ARIH1: variants seen among roughly 807,000 people sequenced by gnomAD.
The protein encoded by ARIH1 is E3 ubiquitin-protein ligase ARIH1.
Under a neutral mutation model 85.0 loss-of-function variants are expected in ARIH1, and 8 were observed. That is an observed-to-expected ratio of 0.09 (90% confidence interval 0.06 to 0.17). ARIH1 has a LOEUF of 0.17. Among genes scored for constraint, ARIH1 ranks in the 10% least tolerant of loss-of-function variants. The pLI, the probability that ARIH1 is intolerant of heterozygous loss-of-function variation, is 1.00. For synonymous variants in ARIH1, 238 were observed against 253.6 expected (o/e 0.94, Z 0.59); for missense variants, 311 against 718.1 (o/e 0.43, Z 6.48).
rs764766524 is a variant in ARIH1, at chr15:72,535,809, C to CA, written c.444-9004dup. Among the ~76,000 whole-genome samples, 93 of 151,482 alleles carry CA rather than the reference C, an allele frequency of 6.1e-4. 1 individual carries two copies. The highest frequency in any genetic ancestry group is 2.1e-3 in the African/African-American group (88 of 41,326). On this transcript the variant is annotated intron_variant, in intron 2 of 13. Coordinates refer to ENST00000379887, the MANE Select transcript of ARIH1 (RefSeq NM_005744.5). Reference sequence around the variant, plus strand: ...ATGCACGTATTTGGAAAGAGGTGGACAAAAAAAGCCACTGTCTTGGTTTTC... The same window carrying CA: ...ATGCACGTATTTGGAAAGAGGTGGACAAAAAAAAGCCACTGTCTTGGTTTTC...
At chr15:72,479,867 C>A (rs2063808369) in intron 1 of ARIH1, among the ~76,000 whole-genome samples, 1 of 143,224 alleles carries the variant, frequency 7.0e-6, no homozygotes, top group South Asian at 2.2e-4. Flanking sequence ...GTGTACTATT[C>A]TTTTTTTTTT....
chr15:72,561,622 A>G (rs913037866), intron 6 of ARIH1, 73 bp downstream of exon 6: 7 of 890,666 alleles, frequency 7.9e-6, no homozygotes, highest in Non-Finnish European at 1.2e-5. Flanking sequence ...AAAAATTATA[A>G]TTTATTGACA....
intron 2 of ARIH1, among the ~76,000 whole-genome samples, chr15:72,519,239 C>T (rs1043881077): frequency 1.3e-5 from 2 of 151,752 alleles, no homozygotes; most frequent in Admixed American, 6.6e-5. Context: ...TTTTAAAATT[C>T]AGAGAGTACT....
At chr15:72,526,094 C>T (rs991446304) in intron 2 of ARIH1, among the ~76,000 whole-genome samples, 4 of 152,116 alleles carry the variant, frequency 2.6e-5, no homozygotes, top group East Asian at 1.9e-4. Flanking sequence ...TTTTAAAAAT[C>T]GTGCTTCCTA....
intron 2 of ARIH1, among the ~76,000 whole-genome samples, chr15:72,521,987 C>T (rs1260866812): frequency 6.6e-6 from 1 of 152,154 alleles, no homozygotes; most frequent in East Asian, 1.9e-4. Flanking sequence ...TGCTTTTCTT[C>T]CTGCATCCAT....
At chr15:72,482,318 ACTTATT>A (rs2063819746) in intron 1 of ARIH1, among the ~76,000 whole-genome samples, 4 of 152,202 alleles carry the variant, frequency 2.6e-5, no homozygotes, top group South Asian at 2.1e-4. Context: ...ATATGAGAAG[ACTTATT>A]CTTAAGGAGT....
chr15:72,546,063 A>G (rs909900891), intron 3 of ARIH1, among the ~76,000 whole-genome samples: 2 of 152,150 alleles, frequency 1.3e-5, no homozygotes, highest in South Asian at 2.1e-4. Flanking sequence ...GGGTCTCACT[A>G]TGCTACCCAG....
chr15:72,490,248 A>C (rs2063853774), intron 1 of ARIH1, among the ~76,000 whole-genome samples: 1 of 152,042 alleles, frequency 6.6e-6, no homozygotes, highest in Non-Finnish European at 1.5e-5. Flanking sequence ...TTCTCAAAAA[A>C]AAAAAAAAAG....
At chr15:72,574,155 C>T (rs543386698) in intron 11 of ARIH1, among the ~76,000 whole-genome samples, 354 of 152,218 alleles carry the variant, frequency 2.3e-3, no homozygotes, top group African/African-American at 8.2e-3. Flanking sequence ...GGTAGAATCC[C>T]TTTCTGAGAT....
intron 9 of ARIH1, among the ~76,000 whole-genome samples, chr15:72,568,852 A>G (rs1392515055): frequency 6.6e-6 from 1 of 152,214 alleles, no homozygotes; most frequent in Non-Finnish European, 1.5e-5. Flanking sequence ...AATTGCTATC[A>G]TTGATGGGCA....
At chr15:72,580,697 T>C (rs762984216) in intron 11 of ARIH1, 34 bp from the exon 12 acceptor site, 14 of 1,581,264 alleles carry the variant, frequency 8.9e-6, no homozygotes, top group South Asian at 3.5e-5. Context: ...TTATGTGTTA[T>C]AATTATATCA....
Position 72,474,891 on chromosome 15 carries a change from CGGCGGTGGTGGT to C in ARIH1, c.258_269del (p.Gly87_Gly90del). On this transcript the variant is annotated inframe_deletion, in exon 1 of 14. Coordinates refer to ENST00000379887, the MANE Select transcript of ARIH1 (RefSeq NM_005744.5). ...CCGGCGGTGGCGGCGGCGGCGGCGG[CGGCGGTGGTGGT>C]GGCGGGCCGGGGCATGAGCAGGAGG... 2 of 1,429,462 alleles carry C rather than the reference CGGCGGTGGTGGT, an allele frequency of 1.4e-6. No individual in the cohort carries two copies. The highest frequency in any genetic ancestry group is 1.8e-6 in the Non-Finnish European group (2 of 1,085,698). The allele number at this position is 1,429,462 out of a possible 1,614,324, so 88.5% of individuals were successfully genotyped here.
chr15:72,565,099 CCAT>C (rs1344468063), intron 7 of ARIH1, among the ~76,000 whole-genome samples: 9 of 152,100 alleles, frequency 5.9e-5, no homozygotes, highest in Admixed American at 1.3e-4. Context: ...GGGTCTCACT[CCAT>C]CACCCAGGCT....
chr15:72,513,092 C>CT (rs879432481), intron 1 of ARIH1, among the ~76,000 whole-genome samples: 1 of 151,882 alleles, frequency 6.6e-6, no homozygotes, highest in Non-Finnish European at 1.5e-5. Context: ...GAGTTTTGCC[C>CT]TTTTTAAAAA....
chr15:72,563,681 T>A (rs1178611821), intron 7 of ARIH1, among the ~76,000 whole-genome samples, 181 bp downstream of exon 7: 3 of 152,172 alleles, frequency 2.0e-5, no homozygotes, highest in Non-Finnish European at 4.4e-5. Flanking sequence ...CTTAAAAAAA[T>A]TTTTCCTCTT....
intron 1 of ARIH1, among the ~76,000 whole-genome samples, chr15:72,486,847 C>T (rs1473082524): frequency 6.6e-6 from 1 of 151,388 alleles, no homozygotes; most frequent in Non-Finnish European, 1.5e-5. Flanking sequence ...GCATGCATCA[C>T]CACACCTGGC....
rs1279854967 is a variant in ARIH1, at chr15:72,584,598, G to A, written c.*1306G>A. 1.3e-5 allele frequency: 2 copies of A among 152,112 alleles called. No individual in the cohort carries two copies. The highest frequency in any genetic ancestry group is 2.9e-5 in the Non-Finnish European group (2 of 68,026). 9.4% of individuals were successfully genotyped at this position (152,112 alleles called of 1,614,324 possible). ...TGGTGGATACCGAAATTGCTTGTGT[G>A]TGTTGCTGTGGGTTTGGTTTGAAGG... On this transcript the variant is annotated 3_prime_UTR_variant, in exon 14 of 14. Coordinates refer to ENST00000379887, the MANE Select transcript of ARIH1 (RefSeq NM_005744.5).
chr15:72,549,500 C>G (rs1376328292), intron 3 of ARIH1, among the ~76,000 whole-genome samples: 1 of 152,184 alleles, frequency 6.6e-6, no homozygotes, highest in Admixed American at 6.5e-5. Flanking sequence ...TCCCGTCCCC[C>G]ATTCCTGAAG....
intron 1 of ARIH1, among the ~76,000 whole-genome samples, chr15:72,516,405 G>A (rs762209064): frequency 1.1e-4 from 14 of 124,198 alleles, no homozygotes; most frequent in Non-Finnish European, 2.4e-4. Flanking sequence ...GTTAAAACTT[G>A]TTTTTAATTT....
Sources: allele counts gnomAD v4.1 joint callset (sites outside exome capture counted in the v4.1 genomes callset), GRCh38; gene constraint gnomAD v4.1.1; transcripts MANE v1.5; gene names NCBI Gene and HGNC (gene_info 2026-07-23, HGNC 2026-07-21).